Variants in GSTA1 observed in about 807,000 individuals in gnomAD.
The protein encoded by GSTA1 is glutathione S-transferase A1.
A neutral mutation model predicts 21.5 loss-of-function variants in GSTA1; 23 were observed. The ratio of observed to expected loss-of-function variants is 1.07; its 90% CI spans 0.77 to 1.52. The LOEUF (loss-of-function observed/expected upper bound fraction) is 1.52. Ranked by LOEUF, GSTA1 falls within the 40% of genes most tolerant of loss-of-function variation. The pLI, the probability that GSTA1 is intolerant of heterozygous loss-of-function variation, is 0.00. For synonymous variants in GSTA1, 125 were observed against 90.0 expected (o/e 1.39, Z -2.20); for missense variants, 301 against 264.2 (o/e 1.14, Z -0.96).
intron 4 of GSTA1, 36 bp downstream of exon 4, chr6:52,796,146 T>A (rs199617617): frequency 1.9e-6 from 3 of 1,611,458 alleles, no homozygotes; most frequent in African/African-American, 2.7e-5. Context: ...TCACTCTGTG[T>A]TCTCTGTGGA....
In GSTA1 at chr6:52,792,622, T is replaced by C; in HGVS notation, c.546+234A>G. On this transcript the variant is annotated intron_variant, in intron 6 of 6. Coordinates refer to ENST00000334575, the MANE Select transcript of GSTA1 (RefSeq NM_145740.5). The stretch of plus-strand genomic sequence containing the variant: ...GAGAGATGCTGGGCCCTGGGTTCTT[T>C]CCATAATAAAGGGCAAAATACTCTT... 2.9e-6 allele frequency: 3 copies of C among 1,030,262 alleles called. No individual in the cohort carries two copies. The South Asian group carries it at 5.0e-5, about 17-fold the overall frequency. The allele number at this position is 1,030,262 out of a possible 1,614,324, so 63.8% of individuals were successfully genotyped here.
chr6:52,794,991 A>T (rs1414517263), intron 4 of GSTA1, among the ~76,000 whole-genome samples: 1 of 152,244 alleles, frequency 6.6e-6, no homozygotes, highest in Non-Finnish European at 1.5e-5. Flanking sequence ...AATTGCCACC[A>T]GGTATATTAT....
At chr6:52,797,403 T>A (rs1345343005) in intron 3 of GSTA1, among the ~76,000 whole-genome samples, 183 bp downstream of exon 3, 10 of 152,000 alleles carry the variant, frequency 6.6e-5, no homozygotes, top group African/African-American at 2.4e-4. Flanking sequence ...CTGGTCCTTT[T>A]AACCTGGAGA....
In GSTA1 at chr6:52,794,052, A is replaced by C. The variant is rs150683332; in HGVS notation, c.414+73T>G. 1.2e-3 allele frequency: 1,963 copies of C among 1,581,468 alleles called. 25 individuals are homozygous for C. In the African/African-American group the frequency reaches 0.023, roughly 18 times the overall value. The stretch of plus-strand genomic sequence containing the variant: ...CACTGAAAGTGAAGATCAGTGACCC[A>C]GGAATGCCCAGCCACTATTTTTCTA... On this transcript the variant is annotated intron_variant, in intron 5 of 6. Transcript: ENST00000334575.
intron 1 of GSTA1, among the ~76,000 whole-genome samples, chr6:52,800,031 TGCA>T (rs1485768739): frequency 1.3e-5 from 2 of 151,344 alleles, no homozygotes; most frequent in African/African-American, 4.9e-5. Flanking sequence ...TGTTAATCCC[TGCA>T]GCTTTTGTAA....
chr6:52,796,543 A>ATATATATATATATATATATATTTT (rs1300549721), intron 3 of GSTA1, among the ~76,000 whole-genome samples: 2 of 23,772 alleles, frequency 8.4e-5, no homozygotes, highest in African/African-American at 2.1e-4. Context: ...ATATATATAT[A>ATATATATATATATATATATATTTT]TTTTTTTTTT....
chr6:52,794,404 T>A, intron 4 of GSTA1, 138 bp from the exon 5 acceptor site: 1 of 745,078 alleles, frequency 1.3e-6, no homozygotes, highest in Non-Finnish European at 2.2e-6. Flanking sequence ...GTCTAGTCAT[T>A]ATGCTCTGAG....
chr6:52,799,729 GA>G (rs1458706755), intron 1 of GSTA1, among the ~76,000 whole-genome samples: 14 of 152,060 alleles, frequency 9.2e-5, no homozygotes, highest in African/African-American at 3.4e-4. Flanking sequence ...TAATGAAATG[GA>G]ACATCAGAGA....
rs1763573263 is a variant in GSTA1, at chr6:52,796,122, A to T, written c.272+60T>A. 5.0e-6 allele frequency: 8 copies of T among 1,609,366 alleles called. No individual in the cohort carries two copies. The East Asian group carries it at 1.8e-4, about 36-fold the overall frequency. On this transcript the variant is annotated intron_variant, in intron 4 of 6. Coordinates refer to ENST00000334575, the MANE Select transcript of GSTA1 (RefSeq NM_145740.5). Reference sequence around the variant, plus strand: ...GCCCTGCCATCGTCCCACCCACTCAAGGAAGGACCTAAATCACTCTGTGTT... The same window carrying T: ...GCCCTGCCATCGTCCCACCCACTCATGGAAGGACCTAAATCACTCTGTGTT...
intron 3 of GSTA1, 82 bp from the exon 4 acceptor site, chr6:52,796,396 C>T: frequency 6.4e-7 from 1 of 1,569,380 alleles, no homozygotes; most frequent in Non-Finnish European, 8.6e-7. Context: ...GTGGAAATGA[C>T]TAAATTTGTA....
intron 4 of GSTA1, 75 bp downstream of exon 4, chr6:52,796,107 C>T (rs41273854): frequency 0.023 from 37,497 of 1,603,036 alleles, 579 homozygotes; most frequent in Middle Eastern, 0.056. Context: ...GCCCTGCCAT[C>T]GTCCCACCCA....
rs148878125 is a variant in GSTA1 at position 52,801,668 on chromosome 6, G to A, written c.-31+2117C>T. 3.1e-3 allele frequency among the ~76,000 whole-genome samples: 467 copies of A among 152,286 alleles called. 5 individuals carry two copies. Among genetic ancestry groups the A allele is most frequent in the African/African-American group, 0.01 (432 of 41,548 alleles). On this transcript the variant is annotated intron_variant, in intron 1 of 6. Transcript: ENST00000334575. ...AGGGTCAGGCTAAGACTGAGACATA[G>A]GTTACCATTGAGCTTTGTTGGGTCA... is the stretch of plus-strand genomic sequence containing the variant.
chr6:52,796,092 A>T lies in GSTA1; in HGVS notation c.272+90T>A, dbSNP rs1178179992. 5.7e-6 allele frequency: 9 copies of T among 1,592,766 alleles called. No individual in the cohort carries two copies. In the South Asian group the frequency reaches 7.8e-5, roughly 14 times the overall value. On this transcript the variant is annotated intron_variant, in intron 4 of 6. Transcript: ENST00000334575. ...CCCAAGGCCCAGCCTGCTGCTGGTC[A>T]TGATGCCCTGCCATCGTCCCACCCA... is the stretch of plus-strand genomic sequence containing the variant.
chr6:52,792,780 T>C, intron 6 of GSTA1, 76 bp downstream of exon 6: 1 of 1,611,702 alleles, frequency 6.2e-7, no homozygotes, highest in South Asian at 1.1e-5. Context: ...CAAAACTTGG[T>C]CAGTCGCAGG....
intron 5 of GSTA1, among the ~76,000 whole-genome samples, chr6:52,793,525 C>A (rs944032334): frequency 6.6e-6 from 1 of 152,158 alleles, no homozygotes. Flanking sequence ...ATTCATCTTT[C>A]TTACAGCATT....
chr6:52,793,442 A>G (rs969608476), intron 5 of GSTA1, among the ~76,000 whole-genome samples: 1 of 152,018 alleles, frequency 6.6e-6, no homozygotes, highest in Non-Finnish European at 1.5e-5. Flanking sequence ...CAGAGTCCTC[A>G]TTTCTCTTTG....
chr6:52,794,282 A>T lies in GSTA1; in HGVS notation c.273-16T>A. ...CATATCAATCCTGAAAGACAGAAAC[A>T]ACCAAATGGTCAAATACCTTTTGCC... is the stretch of plus-strand genomic sequence containing the variant. On this transcript the variant is annotated splice_polypyrimidine_tract_variant and intron_variant, in intron 4 of 6. Coordinates refer to ENST00000334575, the MANE Select transcript of GSTA1 (RefSeq NM_145740.5). 1 of 1,605,128 alleles carries T rather than the reference A, an allele frequency of 6.2e-7. No homozygotes were observed. Among genetic ancestry groups the T allele is most frequent in the Non-Finnish European group, 8.5e-7 (1 of 1,175,154 alleles).
chr6:52,797,328 T>C (rs1194261496), intron 3 of GSTA1, among the ~76,000 whole-genome samples: 1 of 152,136 alleles, frequency 6.6e-6, no homozygotes, highest in South Asian at 2.1e-4. Flanking sequence ...GCCCCAAGCA[T>C]GAAAACAAAG....
At chr6:52,799,156 T>G in intron 2 of GSTA1, 25 bp downstream of exon 2, 1 of 1,604,744 alleles carries the variant, frequency 6.2e-7, no homozygotes, top group South Asian at 1.1e-5. Flanking sequence ...AAATCCAACT[T>G]AAGATGACCT....
Sources: gnomAD v4.1 joint callset for allele counts (sites outside exome capture counted in the v4.1 genomes callset) on GRCh38, gnomAD v4.1.1 for gene constraint, MANE v1.5 for transcripts, NCBI Gene and HGNC (gene_info 2026-07-23, HGNC 2026-07-21) for gene names.